Variants in CCDC167 observed in about 807,000 individuals in gnomAD.
CCDC167 encodes the protein coiled-coil domain-containing protein 167.
CCDC167 carries 15 observed loss-of-function variants against 12.7 expected under a neutral mutation model. The observed-to-expected ratio is 1.18, with a 90% CI of 0.79 to 1.81. The LOEUF (loss-of-function observed/expected upper bound fraction) is 1.81, where lower values mean the gene tolerates loss of function less well. Among genes scored for constraint, CCDC167 ranks in the 40% most tolerant of loss-of-function variants. CCDC167 has a pLI of 0.00. For synonymous variants in CCDC167, 52 were observed against 49.0 expected, an observed-to-expected ratio of 1.06 and a Z score of -0.26; for missense variants, 121 against 120.1, an observed-to-expected ratio of 1.01 and a Z score of -0.03.
At chr6:37,495,085 C>T (rs1032575679) in intron 1 of CCDC167, among the ~76,000 whole-genome samples, 3 of 152,326 alleles carry the variant, frequency 2.0e-5, no homozygotes, top group African/African-American at 7.2e-5. Flanking sequence ...CAGGCGTGAG[C>T]CACTGCACCT....
intron 1 of CCDC167, among the ~76,000 whole-genome samples, chr6:37,489,052 A>G (rs1394092075): frequency 6.6e-6 from 1 of 152,088 alleles, no homozygotes; most frequent in Non-Finnish European, 1.5e-5. Context: ...CCTGGCCAAC[A>G]TGGTGAAACT....
chr6:37,493,885 C>T (rs1581767060), intron 1 of CCDC167, among the ~76,000 whole-genome samples: 2 of 152,212 alleles, frequency 1.3e-5, no homozygotes, highest in South Asian at 4.1e-4. Context: ...TGCTCCAGAG[C>T]GGAGACCGTC....
intron 1 of CCDC167, among the ~76,000 whole-genome samples, chr6:37,491,595 A>G (rs1762023270): frequency 6.6e-6 from 1 of 152,172 alleles, no homozygotes; most frequent in Non-Finnish European, 1.5e-5. Context: ...TCCAATAAAG[A>G]GCGTGGTGCC....
intron 1 of CCDC167, among the ~76,000 whole-genome samples, chr6:37,493,709 T>A (rs1219990547): frequency 1.3e-5 from 2 of 152,232 alleles, no homozygotes; most frequent in Admixed American, 6.5e-5. Flanking sequence ...AACCGCCTGC[T>A]CTACTGTGAC....
At chr6:37,485,047 C>G (rs1581762490) in intron 2 of CCDC167, 53 bp downstream of exon 2, 1 of 1,532,092 alleles carries the variant, frequency 6.5e-7, no homozygotes. Flanking sequence ...AGGATAGATA[C>G]AGGGGGTGGG....
intron 3 of CCDC167, among the ~76,000 whole-genome samples, 167 bp downstream of exon 3, chr6:37,484,643 C>G (rs1324080332): frequency 6.6e-6 from 1 of 152,264 alleles, no homozygotes; most frequent in East Asian, 1.9e-4. Flanking sequence ...AACCTGCTCT[C>G]CCGCAGGCTG....
intron 3 of CCDC167, 44 bp downstream of exon 3, chr6:37,484,766 G>A: frequency 6.2e-7 from 1 of 1,611,002 alleles, no homozygotes; most frequent in South Asian, 1.1e-5. Flanking sequence ...TCCTGGTTCT[G>A]GGGACTGGAG....
intron 1 of CCDC167, among the ~76,000 whole-genome samples, chr6:37,494,031 C>G (rs1211120478): frequency 1.3e-5 from 2 of 151,386 alleles, no homozygotes; most frequent in Non-Finnish European, 2.9e-5. Flanking sequence ...CTCAGCCTAC[C>G]ACTTCTCATG....
chr6:37,491,071 C>T (rs2113907421), intron 1 of CCDC167, among the ~76,000 whole-genome samples: 1 of 152,222 alleles, frequency 6.6e-6, no homozygotes, highest in African/African-American at 2.4e-5. Flanking sequence ...GGAGTGTAGG[C>T]CCTCTCAGAA....
In CCDC167 at chr6:37,483,139, C is replaced by A; in HGVS notation, c.*47G>T. 6.8e-7 allele frequency: 1 copy of A among 1,464,938 alleles called. No homozygotes were observed. The highest frequency in any genetic ancestry group is 9.6e-7 in the Non-Finnish European group (1 of 1,044,364). 90.7% of individuals were successfully genotyped at this position (1,464,938 alleles called of 1,614,324 possible). A position where few individuals can be genotyped will look rare whatever the true frequency, so the allele number is the denominator to read the frequency against. On this transcript the variant is annotated 3_prime_UTR_variant, in exon 4 of 4. Coordinates refer to ENST00000373408, the MANE Select transcript of CCDC167 (RefSeq NM_138493.3). ...CTTGAAGTGCCTGCTTGATCCTGAT[C>A]AAGGGGCCAAGTGGAAGCCTGTGCT...
At chr6:37,485,944 T>C (rs1761937524) in intron 1 of CCDC167, among the ~76,000 whole-genome samples, 1 of 152,228 alleles carries the variant, frequency 6.6e-6, no homozygotes, top group African/African-American at 2.4e-5. Flanking sequence ...ACTTGAGTTG[T>C]GGAGAAATGT....
Position 37,499,888 on chromosome 6 carries a change from A to G in CCDC167, c.-25T>C, listed in dbSNP as rs191457871. ...TGTTACTTGCCGGGATCCCCCAGTC[A>G]TCACTGGACGCGCCCACCAAGTCGC... is the stretch of plus-strand genomic sequence containing the variant. On this transcript the variant is annotated 5_prime_UTR_variant, in exon 1 of 4. An upstream start codon of the reference 5' UTR is lost. Coordinates refer to ENST00000373408, the MANE Select transcript of CCDC167 (RefSeq NM_138493.3). 7 of 1,613,784 alleles carry G rather than the reference A, an allele frequency of 4.3e-6. No homozygotes were observed. The highest frequency in any genetic ancestry group is 3.3e-5 in the Admixed American group (2 of 60,002).
chr6:37,491,504 A>C (rs111249370), intron 1 of CCDC167, among the ~76,000 whole-genome samples: 47 of 152,176 alleles, frequency 3.1e-4, no homozygotes, highest in African/African-American at 1.1e-3. Context: ...AGCGAGTGAC[A>C]GGTTTGCTAC....
chr6:37,489,969 C>T (rs1581764912), intron 1 of CCDC167, among the ~76,000 whole-genome samples: 2 of 152,230 alleles, frequency 1.3e-5, no homozygotes, highest in East Asian at 3.8e-4. Context: ...TGTACAATAA[C>T]ATTAAGAACC....
rs751873199 is a variant in CCDC167, at chr6:37,499,807, C to T, written c.42+15G>A. On this transcript the variant is annotated intron_variant, in intron 1 of 3. Coordinates refer to ENST00000373408, the MANE Select transcript of CCDC167 (RefSeq NM_138493.3). The stretch of plus-strand genomic sequence containing the variant: ...GCAACTAACGAGGTGGCCCAACCCC[C>T]ACTTTTCCCCTCACCTCTAGAGCGA... 20 of 1,613,812 alleles carry T rather than the reference C, an allele frequency of 1.2e-5. No homozygotes were observed. The Admixed American group carries it at 1.3e-4, about 11-fold the overall frequency.
chr6:37,499,281 A>C (rs1180082341), intron 1 of CCDC167, among the ~76,000 whole-genome samples: 1 of 152,200 alleles, frequency 6.6e-6, no homozygotes, highest in African/African-American at 2.4e-5. Context: ...CAGTGACATC[A>C]CCAATTCCAG....
chr6:37,493,533 G>A (rs1438246376), intron 1 of CCDC167, among the ~76,000 whole-genome samples: 1 of 152,268 alleles, frequency 6.6e-6, no homozygotes, highest in Non-Finnish European at 1.5e-5. Context: ...AGAGCCAGAT[G>A]TAGGCTGCCG....
intron 1 of CCDC167, among the ~76,000 whole-genome samples, chr6:37,489,441 C>CAGG (rs1452614050): frequency 6.6e-6 from 1 of 152,172 alleles, no homozygotes; most frequent in Non-Finnish European, 1.5e-5. Flanking sequence ...CCGCTTACTC[C>CAGG]AGACATGGCA....
At chr6:37,492,295 G>C (rs1255642676) in intron 1 of CCDC167, among the ~76,000 whole-genome samples, 1 of 152,038 alleles carries the variant, frequency 6.6e-6, no homozygotes, top group Non-Finnish European at 1.5e-5. Flanking sequence ...CCCAGCTGAA[G>C]CCCATCTAAG....
Sources: gnomAD v4.1 joint callset for allele counts (sites outside exome capture counted in the v4.1 genomes callset) on GRCh38, gnomAD v4.1.1 for gene constraint, MANE v1.5 for transcripts, NCBI Gene and HGNC (gene_info 2026-07-23, HGNC 2026-07-21) for gene names.